The following MFHAS1 variants were observed in gnomAD, a reference collection of about 807,000 sequenced individuals.
The protein encoded by MFHAS1 is multifunctional ROCO family signaling regulator 1.
In MFHAS1, 50 loss-of-function variants were observed where a neutral mutation model predicts 70.4. The observed-to-expected ratio is 0.71, with a 90% CI of 0.57 to 0.90. The LOEUF is 0.90. Among genes scored for constraint, MFHAS1 ranks in the 40% least tolerant of loss-of-function variants. The pLI, the probability that MFHAS1 is intolerant of heterozygous loss-of-function variation, is 0.00. For missense variants in MFHAS1, 1,795 were observed against 1,347.6 expected (o/e 1.33, Z -5.20); for synonymous variants, 952 against 620.0 (o/e 1.54, Z -7.96).
At chr8:8,816,178 G>T (rs952452913) in intron 1 of MFHAS1, among the ~76,000 whole-genome samples, 1 of 152,210 alleles carries the variant, frequency 6.6e-6, no homozygotes, top group Non-Finnish European at 1.5e-5. Context: ...AGGAATGGAA[G>T]TGAGCAAGGA....
chr8:8,885,266 C>G (rs2116937808), intron 1 of MFHAS1, among the ~76,000 whole-genome samples: 1 of 151,962 alleles, frequency 6.6e-6, no homozygotes, highest in African/African-American at 2.4e-5. Flanking sequence ...CCACATAACT[C>G]ATTCTGTCTA....
intron 1 of MFHAS1, among the ~76,000 whole-genome samples, chr8:8,872,951 G>C (rs1809136684): frequency 6.6e-6 from 1 of 152,182 alleles, no homozygotes; most frequent in Admixed American, 6.5e-5. Flanking sequence ...GCAAGAGTGA[G>C]ACGGAGACAA....
intron 1 of MFHAS1, among the ~76,000 whole-genome samples, chr8:8,882,252 T>G (rs895787590): frequency 6.6e-6 from 1 of 150,764 alleles, no homozygotes; most frequent in African/African-American, 2.4e-5. Context: ...TAGCTGGGGG[T>G]GGTGGTATGT....
rs778253432 is a variant in MFHAS1 at position 8,891,783 on chromosome 8, G to A, written c.1276C>T (p.Arg426Cys). 13 of 1,613,200 alleles carry A rather than the reference G, an allele frequency of 8.1e-6. No homozygotes were observed. In the South Asian group the frequency reaches 1.3e-4, roughly 16 times the overall value. ...ACTCTCTCCTCGGTGAGGCAGTGGC[G>A]CAGCAAAGTCTTTCCTGCAGCCTTA... ...GHKAAGKTLL[R>C]HCLTEERVEG... Residue 426 changes from arginine (R) to cysteine (C), a missense_variant, in exon 1 of 3, where the codon CGC (arginine) becomes TGC (cysteine). Coordinates refer to ENST00000276282, the MANE Select transcript of MFHAS1 (RefSeq NM_004225.3). The surrounding 1 kb of genome is among the most constrained non-coding windows in gnomAD (Gnocchi z 5.4).
chr8:8,805,163 A>C (rs943077097), intron 1 of MFHAS1, among the ~76,000 whole-genome samples: 4 of 152,124 alleles, frequency 2.6e-5, no homozygotes, highest in Non-Finnish European at 5.9e-5. Context: ...CAAGGGGAAA[A>C]AACTGCTACT....
chr8:8,835,147 G>C (rs1807551554), intron 1 of MFHAS1, among the ~76,000 whole-genome samples: 2 of 151,604 alleles, frequency 1.3e-5, no homozygotes, highest in African/African-American at 4.8e-5. Context: ...TTGTTCGAGG[G>C]TGAGCATTAG....
intron 1 of MFHAS1, among the ~76,000 whole-genome samples, chr8:8,876,870 G>A (rs1809317749): frequency 6.6e-6 from 1 of 151,824 alleles, no homozygotes; most frequent in Non-Finnish European, 1.5e-5. Flanking sequence ...GGAGGCAGAG[G>A]TTGCAGTGAG....
chr8:8,789,188 T>A (rs888667079), intron 2 of MFHAS1, among the ~76,000 whole-genome samples: 3 of 151,966 alleles, frequency 2.0e-5, no homozygotes, highest in Middle Eastern at 3.2e-3. Flanking sequence ...AAGATGTGGG[T>A]CAAATTCATT....
At chr8:8,826,931 C>T (rs1456223764) in intron 1 of MFHAS1, among the ~76,000 whole-genome samples, 1 of 152,182 alleles carries the variant, frequency 6.6e-6, no homozygotes, top group Non-Finnish European at 1.5e-5. Flanking sequence ...GCAGGGATGG[C>T]ATAGTGAGAC....
intron 1 of MFHAS1, among the ~76,000 whole-genome samples, chr8:8,881,158 T>C (rs1211256274): frequency 6.6e-6 from 1 of 152,212 alleles, no homozygotes; most frequent in African/African-American, 2.4e-5. Flanking sequence ...AACTTGTTGG[T>C]GATAGCTTTT....
intron 1 of MFHAS1, among the ~76,000 whole-genome samples, chr8:8,851,655 A>G (rs766231680): frequency 3.3e-5 from 5 of 152,222 alleles, no homozygotes; most frequent in African/African-American, 7.2e-5. Context: ...ACAAAACTCT[A>G]TTCTTTCATA....
At chr8:8,867,719 G>A (rs1821007) in intron 1 of MFHAS1, among the ~76,000 whole-genome samples, 65,813 of 151,636 alleles carry the variant, frequency 0.43, 15,038 homozygotes, top group East Asian at 0.84. Flanking sequence ...CACCACACCC[G>A]GCTAATTTTT....
chr8:8,889,832 T>A (rs1037586683), intron 1 of MFHAS1, among the ~76,000 whole-genome samples: 2 of 152,200 alleles, frequency 1.3e-5, no homozygotes, highest in Non-Finnish European at 2.9e-5. Flanking sequence ...CTGGAACCCA[T>A]TTTGGAAGTC....
rs1458913664 is a variant in MFHAS1 at position 8,891,158 on chromosome 8, T to A, written c.1901A>T (p.His634Leu). ...CAACTTGTCCCGAAGGCGTCGTAAG[T>A]GGCGCGGGTCCCTGCAGCTAACAGG... ...VLPVSCRDPR[H>L]LRRLRDKLLS... The change falls in exon 1 of 3, where the codon CAC (histidine) becomes CTC (leucine). Residue 634 changes from histidine to leucine, a missense_variant. His to Leu is a moderately conservative substitution (Grantham distance 99). Transcript: ENST00000276282. This position sits in a 1 kb window ranked among gnomAD's most constrained non-coding sequence, Gnocchi z 5.4. 5 of 1,613,428 alleles carry A rather than the reference T, an allele frequency of 3.1e-6. No individual in the cohort carries two copies. The highest frequency in any genetic ancestry group is 2.5e-6 in the Non-Finnish European group (3 of 1,180,036).
intron 1 of MFHAS1, among the ~76,000 whole-genome samples, chr8:8,852,459 ACCCT>A (rs1364285986): frequency 3.4e-5 from 5 of 144,964 alleles, no homozygotes; most frequent in Admixed American, 1.5e-4. Context: ...ACAAAGCGAG[ACCCT>A]CTCTCAAACA....
intron 1 of MFHAS1, among the ~76,000 whole-genome samples, chr8:8,872,396 C>T (rs543388068): frequency 6.6e-6 from 1 of 152,294 alleles, no homozygotes; most frequent in South Asian, 2.1e-4. Flanking sequence ...AAGGGGACGG[C>T]AGGAGGATTC....
chr8:8,803,239 G>A (rs912697374), intron 1 of MFHAS1, among the ~76,000 whole-genome samples: 6 of 152,080 alleles, frequency 3.9e-5, no homozygotes, highest in African/African-American at 1.4e-4. Flanking sequence ...GGCTGGACGT[G>A]GTGGCTCATG....
At chr8:8,825,766 G>A (rs536598896) in intron 1 of MFHAS1, among the ~76,000 whole-genome samples, 4 of 152,254 alleles carry the variant, frequency 2.6e-5, no homozygotes, top group South Asian at 2.1e-4. Context: ...TTCCAAATAT[G>A]AATTTTAGAG....
At chr8:8,865,040 G>T (rs1381343111) in intron 1 of MFHAS1, among the ~76,000 whole-genome samples, 1 of 151,962 alleles carries the variant, frequency 6.6e-6, no homozygotes, top group Non-Finnish European at 1.5e-5. Context: ...CTTGAGGAGG[G>T]CAAGGTGGGT....
Sources: allele counts gnomAD v4.1 joint callset (sites outside exome capture counted in the v4.1 genomes callset), GRCh38; gene constraint gnomAD v4.1.1; non-coding constraint Gnocchi (gnomAD v3.1); transcripts MANE v1.5; gene names NCBI Gene and HGNC (gene_info 2026-07-23, HGNC 2026-07-21).